Variants in KCNE5 observed in about 807,000 individuals in gnomAD.
The protein encoded by KCNE5 is potassium voltage-gated channel subfamily E regulatory beta subunit 5.
For synonymous variants in KCNE5, 65 were observed against 62.3 expected (o/e 1.04, Z -0.20); for missense variants, 131 against 132.9 (o/e 0.99, Z 0.07).
Position 109,624,965 on chromosome X carries a change from T to C in KCNE5, c.56A>G (p.Glu19Gly). 8.3e-7 allele frequency: 1 copy of C among 1,207,736 alleles called. No individual in the cohort carries two copies. Among genetic ancestry groups the C allele is most frequent in the Non-Finnish European group, 1.1e-6 (1 of 893,967 alleles). Residue 19 changes from glutamate to glycine, a missense_variant, in exon 1 of 1, where the codon GAG (glutamate) becomes GGG (glycine). By Grantham distance (98) the Glu-to-Gly change is moderately conservative. Transcript: ENST00000372101. ...LRTLLSRLLLELHHRGNASGL... is the reference protein window; with the variant it reads ...LRTLLSRLLLGLHHRGNASGL... ...GCTGGCATTACCCCGGTGGTGCAGCTCGAGCAACAGGCGGCTCAGAAGGGT... is the reference window on the plus strand; with the variant it reads ...GCTGGCATTACCCCGGTGGTGCAGCCCGAGCAACAGGCGGCTCAGAAGGGT...
Position 109,624,812 on chromosome X carries a change from TAGA to T in KCNE5, c.206_208del (p.Phe69del), listed in dbSNP as rs1184414342. On this transcript the variant is annotated inframe_deletion, in exon 1 of 1. Coordinates refer to ENST00000372101, the MANE Select transcript of KCNE5 (RefSeq NM_012282.4). Reference sequence around the variant, plus strand: ...GATGAGGCCTCCGGCCAAGCAGGCGTAGAAGATCATGATGAGCAGGATGTAGAG... The same window carrying T: ...GATGAGGCCTCCGGCCAAGCAGGCGTAGATCATGATGAGCAGGATGTAGAG... 8.3e-7 allele frequency: 1 copy of T among 1,211,919 alleles called. No individual in the cohort carries two copies. Among genetic ancestry groups the T allele is most frequent in the East Asian group, 3.0e-5 (1 of 33,789 alleles).
chrX:109,625,071 C>T lies in KCNE5; in HGVS notation c.-51G>A, dbSNP rs1178525632. ...TCCAGGACGCTGCTGACCTTTCCCC[C>T]TGGGCGAGGGGAAGCGAGCTAGCGA... On this transcript the variant is annotated 5_prime_UTR_variant, in exon 1 of 1. Transcript: ENST00000372101. The T allele has an allele frequency of 1.8e-6, 2 of 1,141,344 alleles. No individual in the cohort carries two copies. The highest frequency in any genetic ancestry group is 6.5e-5 in the East Asian group (2 of 30,720). The allele number at this position is 1,141,344 out of a possible 1,213,427, so 94.1% of individuals were successfully genotyped here.
upstream of KCNE5, chrX:109,625,172 TG>T: frequency 1.7e-6 from 1 of 601,343 alleles, no homozygotes; most frequent in Non-Finnish European, 2.6e-6. Context: ...GCGCAGTGGC[TG>T]GGGGCGCCGA....
Position 109,624,385 on chromosome X carries a change from A to T in KCNE5, c.*207T>A. 1 of 375,890 alleles carries T rather than the reference A, an allele frequency of 2.7e-6. No homozygotes were observed. Among genetic ancestry groups the T allele is most frequent in the Non-Finnish European group, 4.5e-6 (1 of 222,576 alleles). 31.0% of individuals were successfully genotyped at this position (375,890 alleles called of 1,213,427 possible). Reference sequence around the variant, plus strand: ...ATGTGCGGGGTAGGGGTGGAGGCGCAGGGGTGAAGAGGGAGAAACTGGCCC... The same window carrying T: ...ATGTGCGGGGTAGGGGTGGAGGCGCTGGGGTGAAGAGGGAGAAACTGGCCC... On this transcript the variant is annotated 3_prime_UTR_variant, in exon 1 of 1. Coordinates refer to ENST00000372101, the MANE Select transcript of KCNE5 (RefSeq NM_012282.4).
rs1934250280 is a variant in KCNE5 at position 109,623,962 on chromosome X, A to C, written c.*630T>G. The C allele has an allele frequency of 8.9e-6, 1 of 111,834 alleles. No homozygotes were observed. Among genetic ancestry groups the C allele is most frequent in the Non-Finnish European group, 1.9e-5 (1 of 53,074 alleles). 9.2% of individuals were successfully genotyped at this position (111,834 alleles called of 1,213,427 possible). A position where few individuals can be genotyped will look rare whatever the true frequency, so the allele number is the denominator to read the frequency against. On this transcript the variant is annotated 3_prime_UTR_variant, in exon 1 of 1. Transcript: ENST00000372101. ...GAAAATCATACGGTTGGAGTCATAG[A>C]TCATTTCCCTCCCCGTTGAGCACTC... is the stretch of plus-strand genomic sequence containing the variant.
chrX:109,624,987 G>C lies in KCNE5; in HGVS notation c.34C>G (p.Leu12Val). Residue 12 changes from leucine (L) to valine (V), a missense_variant, in exon 1 of 1, where the codon CTT becomes GTT. Physicochemically the swap from Leu to Val is conservative, Grantham distance 32 (BLOSUM62 1). Transcript: ENST00000372101. ...AGCTCGAGCAACAGGCGGCTCAGAA[G>C]GGTTCGCAGCCGCTGGCTCTCGCTG... is the stretch of plus-strand genomic sequence containing the variant. ...NCSESQRLRTLLSRLLLELHH... is the reference protein window; with the variant it reads ...NCSESQRLRTVLSRLLLELHH... The C allele has an allele frequency of 8.3e-7, 1 of 1,206,582 alleles. No individual in the cohort carries two copies. Among genetic ancestry groups the C allele is most frequent in the Non-Finnish European group, 1.1e-6 (1 of 892,931 alleles).
Position 109,624,921 on chromosome X carries a change from G to A in KCNE5, c.100C>T (p.Arg34Cys), listed in dbSNP as rs377062108. Residue 34 changes from arginine (R) to cysteine (C), a missense_variant, in exon 1 of 1, where the codon CGT (arginine) becomes TGT (cysteine). Coordinates refer to ENST00000372101, the MANE Select transcript of KCNE5 (RefSeq NM_012282.4). ...GNASGLGAGP[R>C]PSMGMGVVPD... is the part of the protein sequence containing the mutation. ...ACGACCCCCATGCCCATGCTGGGAC[G>A]AGGGCCAGCGCCCAAGCCGCTGGCA... The A allele has an allele frequency of 4.2e-5, 50 of 1,194,859 alleles. No individual in the cohort carries two copies. In the East Asian group the frequency reaches 1.3e-3, roughly 31 times the overall value.
In KCNE5 at chrX:109,625,167, G is replaced by A. The variant is rs1163349768; in HGVS notation, c.-147C>T. The stretch of plus-strand genomic sequence containing the variant: ...CACCCAGCTCTCCGGCGAGCGCGCA[G>A]TGGCTGGGGGCGCCGACGGCGGGGC... On this transcript the variant is annotated 5_prime_UTR_variant, in exon 1 of 1. Coordinates refer to ENST00000372101, the MANE Select transcript of KCNE5 (RefSeq NM_012282.4). The A allele has an allele frequency of 6.4e-6, 4 of 628,536 alleles. No homozygotes were observed. The African/African-American group carries it at 8.9e-5, about 14-fold the overall frequency. 51.8% of individuals were successfully genotyped at this position (628,536 alleles called of 1,213,427 possible). A position where few individuals can be genotyped will look rare whatever the true frequency, so the allele number is the denominator to read the frequency against.
In KCNE5 at chrX:109,624,480, TG is replaced by T; in HGVS notation, c.*111del. 1 of 693,980 alleles carries T rather than the reference TG, an allele frequency of 1.4e-6. No individual in the cohort carries two copies. The highest frequency in any genetic ancestry group is 2.0e-6 in the Non-Finnish European group (1 of 499,354). 57.2% of individuals were successfully genotyped at this position (693,980 alleles called of 1,213,427 possible). On this transcript the variant is annotated 3_prime_UTR_variant, in exon 1 of 1. Transcript: ENST00000372101. ...GGTCTCCTGGCCTCTCACCATTATC[TG>T]GGCCTCAGATGAGGCGAACCCTGGA...
At position 109,625,098 on chromosome X, in the gene KCNE5, C is replaced by A. The variant is rs1934273261; in HGVS notation, c.-78G>T. ...GGGCGAGGGGAAGCGAGCTAGCGAG[C>A]GGGCCGGCCGGCGGGCAGGGCTCAG... On this transcript the variant is annotated 5_prime_UTR_variant, in exon 1 of 1. Transcript: ENST00000372101. The A allele has an allele frequency of 9.4e-7, 1 of 1,069,263 alleles. No individual in the cohort carries two copies. Among genetic ancestry groups the A allele is most frequent in the African/African-American group, 1.8e-5 (1 of 54,385 alleles). The allele number at this position is 1,069,263 out of a possible 1,213,427, so 88.1% of individuals were successfully genotyped here.
Position 109,624,835 on chromosome X carries a change from G to A in KCNE5, c.186C>T (p.Tyr62=). The change falls in exon 1 of 1, where the codon TAC becomes TAT. Residue 62 remains tyrosine (Y), a synonymous_variant. Transcript: ENST00000372101. ...CGTAGAAGATCATGATGAGCAGGAT[G>A]TAGAGATAGGCGTCGTCGCCCTTGG... ...TSAKGDDAYL[Y]ILLIMIFYAC... The A allele has an allele frequency of 3.5e-5, 42 of 1,212,437 alleles. No homozygotes were observed. Among genetic ancestry groups the A allele is most frequent in the Non-Finnish European group, 4.7e-5 (42 of 895,531 alleles).
chrX:109,624,993 G>A lies in KCNE5; in HGVS notation c.28C>T (p.Arg10Ter). 1.7e-6 allele frequency: 2 copies of A among 1,202,740 alleles called. No homozygotes were observed. The highest frequency in any genetic ancestry group is 2.2e-6 in the Non-Finnish European group (2 of 891,020). Residue 10 changes from arginine (R) to a stop codon, truncating the protein, a stop_gained, in exon 1 of 1, where the codon CGA becomes TGA. Transcript: ENST00000372101. LOFTEE classifies it high-confidence loss of function. ...AGCAACAGGCGGCTCAGAAGGGTTC[G>A]CAGCCGCTGGCTCTCGCTGCAGTTC... MNCSESQRL[R>*]TLLSRLLLEL...
Position 109,623,796 on chromosome X carries a change from AC to A in KCNE5, c.*795del, listed in dbSNP as rs1603395749. ...CTCAAGTTCCACGGATGAAGCAGACACTGCAATAACAACTGAATCAATAGAG... is the reference window on the plus strand; with the variant it reads ...CTCAAGTTCCACGGATGAAGCAGACATGCAATAACAACTGAATCAATAGAG... On this transcript the variant is annotated 3_prime_UTR_variant, in exon 1 of 1. Coordinates refer to ENST00000372101, the MANE Select transcript of KCNE5 (RefSeq NM_012282.4). 8.9e-6 allele frequency: 1 copy of A among 111,907 alleles called. No individual in the cohort carries two copies. The highest frequency in any genetic ancestry group is 1.9e-5 in the Non-Finnish European group (1 of 53,207). 9.2% of individuals were successfully genotyped at this position (111,907 alleles called of 1,213,427 possible). A position where few individuals can be genotyped will look rare whatever the true frequency, so the allele number is the denominator to read the frequency against.
chrX:109,624,288 T>C lies in KCNE5; in HGVS notation c.*304A>G. On this transcript the variant is annotated 3_prime_UTR_variant, in exon 1 of 1. Coordinates refer to ENST00000372101, the MANE Select transcript of KCNE5 (RefSeq NM_012282.4). Reference sequence around the variant, plus strand: ...CAAGTGTTGGACGTGTTGGATTCAGTTCCCAGAGGGCTGGAGCGTGCTGTC... The same window carrying C: ...CAAGTGTTGGACGTGTTGGATTCAGCTCCCAGAGGGCTGGAGCGTGCTGTC... The C allele has an allele frequency of 3.6e-6, 1 of 276,054 alleles. No homozygotes were observed. Among genetic ancestry groups the C allele is most frequent in the South Asian group, 1.4e-4 (1 of 7,178 alleles). 22.7% of individuals were successfully genotyped at this position (276,054 alleles called of 1,213,427 possible). A position where few individuals can be genotyped will look rare whatever the true frequency, so the allele number is the denominator to read the frequency against.
Position 109,625,137 on chromosome X carries a change from G to T in KCNE5, c.-117C>A. On this transcript the variant is annotated 5_prime_UTR_variant, in exon 1 of 1. Transcript: ENST00000372101. ...GGCAGGGCTCAGCAGCGGAAACAGC[G>T]GTAGCACCCAGCTCTCCGGCGAGCG... 2 of 846,198 alleles carry T rather than the reference G, an allele frequency of 2.4e-6. No homozygotes were observed. The highest frequency in any genetic ancestry group is 3.4e-6 in the Non-Finnish European group (2 of 589,745). 69.7% of individuals were successfully genotyped at this position (846,198 alleles called of 1,213,427 possible).
In KCNE5 at chrX:109,624,366, G is replaced by A. The variant is rs1247819215; in HGVS notation, c.*226C>T. 2 of 362,061 alleles carry A rather than the reference G, an allele frequency of 5.5e-6. No individual in the cohort carries two copies. The highest frequency in any genetic ancestry group is 5.6e-5 in the Admixed American group (1 of 17,978). The allele number at this position is 362,061 out of a possible 1,213,427, so 29.8% of individuals were successfully genotyped here. A position where few individuals can be genotyped will look rare whatever the true frequency, so the allele number is the denominator to read the frequency against. ...GGCAGTTTAGTGCAGTTGGATGTGC[G>A]GGGTAGGGGTGGAGGCGCAGGGGTG... On this transcript the variant is annotated 3_prime_UTR_variant, in exon 1 of 1. Transcript: ENST00000372101.
Position 109,624,665 on chromosome X carries a change from G to A in KCNE5, c.356C>T (p.Ser119Phe), listed in dbSNP as rs759093005. 6 of 1,166,670 alleles carry A rather than the reference G, an allele frequency of 5.1e-6. No homozygotes were observed. Among genetic ancestry groups the A allele is most frequent in the Non-Finnish European group, 5.7e-6 (5 of 873,959 alleles). ...LTADAEAAAG[S>F]QAEGRRQLAS... Reference sequence around the variant, plus strand: ...AAGCTGGCGGCGGCCCTCGGCCTGGGAGCCCGCGGCAGCCTCGGCGTCGGC... The same window carrying A: ...AAGCTGGCGGCGGCCCTCGGCCTGGAAGCCCGCGGCAGCCTCGGCGTCGGC... The change falls in exon 1 of 1, where the codon TCC (serine) becomes TTC (phenylalanine). Residue 119 changes from serine (S) to phenylalanine (F), a missense_variant. Transcript: ENST00000372101.
Position 109,624,502 on chromosome X carries a change from C to G in KCNE5, c.*90G>C. On this transcript the variant is annotated 3_prime_UTR_variant, in exon 1 of 1. Coordinates refer to ENST00000372101, the MANE Select transcript of KCNE5 (RefSeq NM_012282.4). ...ATCTGGGCCTCAGATGAGGCGAACCCTGGAAGGGAGTTGGGGGTGGAAGGT... is the reference window on the plus strand; with the variant it reads ...ATCTGGGCCTCAGATGAGGCGAACCGTGGAAGGGAGTTGGGGGTGGAAGGT... 1.1e-6 allele frequency: 1 copy of G among 873,265 alleles called. No individual in the cohort carries two copies. The highest frequency in any genetic ancestry group is 2.8e-5 in the South Asian group (1 of 35,372). 72.0% of individuals were successfully genotyped at this position (873,265 alleles called of 1,213,427 possible). A position where few individuals can be genotyped will look rare whatever the true frequency, so the allele number is the denominator to read the frequency against.
Position 109,624,659 on chromosome X carries a change from G to T in KCNE5, c.362C>A (p.Ala121Asp). The change falls in exon 1 of 1, where the codon GCC becomes GAC. Residue 121 changes from alanine (A) to aspartate (D), a missense_variant. Physicochemically the swap from Ala to Asp is moderately radical, Grantham distance 126. Transcript: ENST00000372101. ...GGAGGCAAGCTGGCGGCGGCCCTCGGCCTGGGAGCCCGCGGCAGCCTCGGC... is the reference window on the plus strand; with the variant it reads ...GGAGGCAAGCTGGCGGCGGCCCTCGTCCTGGGAGCCCGCGGCAGCCTCGGC... ...ADAEAAAGSQ[A>D]EGRRQLASEG... 8.6e-7 allele frequency: 1 copy of T among 1,164,657 alleles called. No homozygotes were observed. Among genetic ancestry groups the T allele is most frequent in the Non-Finnish European group, 1.1e-6 (1 of 872,670 alleles).
Sources: allele counts gnomAD v4.1 joint callset, GRCh38; gene constraint gnomAD v4.1.1; transcripts MANE v1.5; gene names NCBI Gene and HGNC (gene_info 2026-07-23, HGNC 2026-07-21).